GLT8D1: variants seen among roughly 807,000 people sequenced by gnomAD.
The protein encoded by GLT8D1 is glycosyltransferase 8 domain containing 1, also known as glycosyltransferase 8 domain-containing protein 1.
Under a neutral mutation model 46.2 loss-of-function variants are expected in GLT8D1, and 41 were observed. The observed-to-expected ratio is 0.89, with a 90% CI of 0.69 to 1.15. The LOEUF is 1.15. Ranked by LOEUF, GLT8D1 falls within the 50% of genes most tolerant of loss-of-function variation. The pLI is 0.00. For missense variants in GLT8D1, 408 were observed against 449.3 expected (o/e 0.91, Z 0.83); for synonymous variants, 150 against 154.2 (o/e 0.97, Z 0.20).
intron 3 of GLT8D1, among the ~76,000 whole-genome samples, chr3:52,699,585 C>T (rs2097337490): frequency 6.6e-6 from 1 of 152,174 alleles, no homozygotes; most frequent in African/African-American, 2.4e-5. Flanking sequence ...GTGAGACGCC[C>T]ACCTTGGCCT....
rs972838351 is a variant in GLT8D1 at position 52,697,845 on chromosome 3, C to T, written c.205G>A (p.Val69Ile). Residue 69 changes from valine (V) to isoleucine (I), a missense_variant, in exon 4 of 10, where the codon GTC becomes ATC. Val to Ile is a conservative substitution (Grantham distance 29). Transcript: ENST00000266014. ...AGCCTGTCTTCAGATGCAGCGATGACCACAGGAATCTCCTCTTGTCTCCCA... is the reference window on the plus strand; with the variant it reads ...AGCCTGTCTTCAGATGCAGCGATGATCACAGGAATCTCCTCTTGTCTCCCA... The part of the protein sequence containing the change: ...VDGRQEEIPV[V>I]IAASEDRLGG... The T allele has an allele frequency of 6.2e-7, 1 of 1,613,356 alleles. No homozygotes were observed. The highest frequency in any genetic ancestry group is 1.7e-5 in the Admixed American group (1 of 60,002).
At chr3:52,695,080 A>G in intron 9 of GLT8D1, 45 bp from the exon 10 acceptor site, 1 of 1,509,092 alleles carries the variant, frequency 6.6e-7, no homozygotes, top group Non-Finnish European at 9.2e-7. Context: ...GCCATGTGAA[A>G]TTGTGCAGAA....
At chr3:52,702,910 C>G (rs2097340578) in intron 1 of GLT8D1, among the ~76,000 whole-genome samples, 1 of 151,376 alleles carries the variant, frequency 6.6e-6, no homozygotes, top group Non-Finnish European at 1.5e-5. Context: ...CCTCAACCTC[C>G]CGAGTAGCAG....
chr3:52,704,496 A>G (rs937738279), intron 1 of GLT8D1, among the ~76,000 whole-genome samples: 2 of 150,436 alleles, frequency 1.3e-5, no homozygotes, highest in Non-Finnish European at 3.0e-5. Flanking sequence ...CCACACAGAG[A>G]TATATCTATT....
At chr3:52,704,399 C>A (rs1392785445) in intron 1 of GLT8D1, among the ~76,000 whole-genome samples, 1 of 138,200 alleles carries the variant, frequency 7.2e-6, no homozygotes, top group Non-Finnish European at 1.5e-5. Flanking sequence ...GCGGAGGTTG[C>A]AGTGAGCCGC....
At chr3:52,699,639 G>A (rs750013182) in intron 3 of GLT8D1, among the ~76,000 whole-genome samples, 7 of 152,014 alleles carry the variant, frequency 4.6e-5, no homozygotes, top group Non-Finnish European at 7.4e-5. Context: ...GCTCCCGGCC[G>A]CTGTTCTCTT....
chr3:52,704,196 T>A (rs1032620688), intron 1 of GLT8D1, among the ~76,000 whole-genome samples: 1 of 151,766 alleles, frequency 6.6e-6, no homozygotes, highest in Non-Finnish European at 1.5e-5. Context: ...CGGTGGCTCA[T>A]GCCTGTAATC....
chr3:52,705,038 C>G (rs905944415), intron 1 of GLT8D1: 2 of 152,278 alleles, frequency 1.3e-5, no homozygotes, highest in Non-Finnish European at 2.9e-5. Flanking sequence ...GCCTAGAATT[C>G]CACTGTTTGT....
In GLT8D1 at chr3:52,695,230, C is replaced by G; in HGVS notation, c.885G>C (p.Gln295His). Reference protein sequence around the residue: ...TPPLLIVFYQQHSTIDPMWNV... With the variant: ...TPPLLIVFYQHHSTIDPMWNV... ...TCCACATAGGATCGATGGTAGAGTG[C>G]TGTTGATAAAATACGATAAGCAGAG... Residue 295 changes from glutamine (Q) to histidine (H), a missense_variant, in exon 9 of 10, where the codon CAG becomes CAC. Physicochemically the swap from Gln to His is conservative, Grantham distance 24 (BLOSUM62 0). Transcript: ENST00000266014. 1 of 1,613,738 alleles carries G rather than the reference C, an allele frequency of 6.2e-7. No individual in the cohort carries two copies. Among genetic ancestry groups the G allele is most frequent in the South Asian group, 1.1e-5 (1 of 91,058 alleles).
Position 52,695,925 on chromosome 3 carries a change from T to TA in GLT8D1, c.645+2dup. 1 of 1,547,736 alleles carries TA rather than the reference T, an allele frequency of 6.5e-7. No individual in the cohort carries two copies. The highest frequency in any genetic ancestry group is 8.9e-7 in the Non-Finnish European group (1 of 1,119,712). ...GAAGAGGGGTGTTTGGTAAGCAATTTACCTGGTTTCCTGCTCCACGGATGA... is the reference window on the plus strand; with the variant it reads ...GAAGAGGGGTGTTTGGTAAGCAATTTAACCTGGTTTCCTGCTCCACGGATGA... On this transcript the variant is annotated splice_region_variant and intron_variant, in intron 7 of 9. Transcript: ENST00000266014.
intron 1 of GLT8D1, among the ~76,000 whole-genome samples, chr3:52,704,267 T>G (rs1428312712): frequency 6.6e-6 from 1 of 151,780 alleles, no homozygotes; most frequent in African/African-American, 2.4e-5. Flanking sequence ...GAGACTAGTC[T>G]GGCCAACACA....
rs8906 is a variant in GLT8D1 at position 52,705,504 on chromosome 3, T to C, written c.-94A>G. ...CCGGGGATCCCACCAGGCTCAGAGA[T>C]ACCCCTGGTTAGGGCTCCGACAAGT... is the stretch of plus-strand genomic sequence containing the variant. On this transcript the variant is annotated 5_prime_UTR_variant, in exon 1 of 10. Transcript: ENST00000266014. The C allele has an allele frequency of 0.33, 50,597 of 153,094 alleles. 9,554 individuals are homozygous for C. The highest frequency in any genetic ancestry group is 0.46 in the Admixed American group (7,002 of 15,302). The allele number at this position is 153,094 out of a possible 1,614,324, so 9.5% of individuals were successfully genotyped here.
At chr3:52,696,888 G>A (rs1213359799) in intron 4 of GLT8D1, among the ~76,000 whole-genome samples, 1 of 47,626 alleles carries the variant, frequency 2.1e-5, no homozygotes, top group Non-Finnish European at 4.3e-5. Flanking sequence ...AAAAACTATA[G>A]AATTAAGAAC....
chr3:52,700,856 G>A (rs2097338736), intron 1 of GLT8D1, among the ~76,000 whole-genome samples: 1 of 152,102 alleles, frequency 6.6e-6, no homozygotes, highest in Admixed American at 6.5e-5. Context: ...GAGGTCAGGA[G>A]TTCAAGACCA....
Position 52,694,674 on chromosome 3 carries a change from T to TATA in GLT8D1, c.*170_*171insTAT. On this transcript the variant is annotated 3_prime_UTR_variant, in exon 10 of 10. Coordinates refer to ENST00000266014, the MANE Select transcript of GLT8D1 (RefSeq NM_018446.4). ...GGAGACATATTTATAGTCTATAGTC[T>TATA]GTCTGGGAAGCTGACTGCCAGACAG... The TATA allele has an allele frequency of 1.5e-6, 1 of 660,538 alleles. No individual in the cohort carries two copies. The highest frequency in any genetic ancestry group is 1.8e-5 in the African/African-American group (1 of 56,380). The allele number at this position is 660,538 out of a possible 1,614,324, so 40.9% of individuals were successfully genotyped here.
intron 5 of GLT8D1, 88 bp downstream of exon 5, chr3:52,696,454 G>A: frequency 1.0e-6 from 1 of 1,001,128 alleles, no homozygotes; most frequent in Non-Finnish European, 1.6e-6. Context: ...TGGTCCCCAG[G>A]AAACTACTTG....
chr3:52,697,479 G>A, intron 4 of GLT8D1: 1 of 526,994 alleles, frequency 1.9e-6, no homozygotes, highest in South Asian at 2.2e-5. Context: ...ATCAGGTGGG[G>A]TTAACAGTTC....
chr3:52,696,186 G>T, intron 6 of GLT8D1, 48 bp downstream of exon 6: 1 of 1,316,530 alleles, frequency 7.6e-7, no homozygotes, highest in Non-Finnish European at 1.1e-6. Context: ...TTTAGCAATT[G>T]TACCCAATCT....
chr3:52,698,302 C>G (rs1349525364), intron 3 of GLT8D1, among the ~76,000 whole-genome samples: 1 of 152,142 alleles, frequency 6.6e-6, no homozygotes, highest in African/African-American at 2.4e-5. Flanking sequence ...CAATGTTTTT[C>G]AAGTCACGAA....
Sources: allele counts gnomAD v4.1 joint callset (sites outside exome capture counted in the v4.1 genomes callset), GRCh38; gene constraint gnomAD v4.1.1; transcripts MANE v1.5; gene names NCBI Gene and HGNC (gene_info 2026-07-23, HGNC 2026-07-21).